Variants in CD44 observed in about 807,000 individuals in gnomAD.
The protein encoded by CD44 is CD44 antigen.
Under a neutral mutation model 88.8 loss-of-function variants are expected in CD44, and 49 were observed. The ratio of observed to expected loss-of-function variants is 0.55; its 90% CI spans 0.44 to 0.70. The LOEUF (loss-of-function observed/expected upper bound fraction) is 0.70. CD44 is among the 30% of genes least tolerant of loss of function. The probability of loss-of-function intolerance (pLI) is 0.00; values close to 1 mark genes in which losing one functional copy is unlikely to be tolerated. For synonymous variants in CD44, 325 were observed against 312.3 expected, an observed-to-expected ratio of 1.04 and a Z score of -0.43; for missense variants, 883 against 913.8, an observed-to-expected ratio of 0.97 and a Z score of 0.43.
intron 1 of CD44, among the ~76,000 whole-genome samples, chr11:35,146,352 T>C (rs988907205): frequency 1.3e-5 from 2 of 152,366 alleles, no homozygotes; most frequent in East Asian, 1.9e-4. Flanking sequence ...CATCTGCTGT[T>C]GTGGCATTGC....
At chr11:35,214,085 G>A (rs916321304) in intron 14 of CD44, 2 of 151,976 alleles carry the variant, frequency 1.3e-5, no homozygotes, top group Non-Finnish European at 2.9e-5. Flanking sequence ...TTGACCTATG[G>A]ATTTAGATTC....
chr11:35,146,781 T>C (rs552396436), intron 1 of CD44, among the ~76,000 whole-genome samples: 23 of 152,350 alleles, frequency 1.5e-4, no homozygotes, highest in Admixed American at 8.5e-4. Flanking sequence ...TCCAGACGAT[T>C]GTACCTGGAA....
intron 1 of CD44, among the ~76,000 whole-genome samples, chr11:35,146,116 T>A (rs17446000): frequency 0.028 from 4,210 of 152,052 alleles, 89 homozygotes; most frequent in Non-Finnish European, 0.042. Flanking sequence ...CGAGTTTGAG[T>A]TGCACTGGCT....
intron 7 of CD44, among the ~76,000 whole-genome samples, chr11:35,200,031 C>G (rs1046786685): frequency 6.8e-6 from 1 of 146,058 alleles, no homozygotes; most frequent in East Asian, 2.0e-4. Flanking sequence ...CTGCTTAGCA[C>G]CTATGGACAT....
At chr11:35,219,799 A>C (rs1014143996) in intron 16 of CD44, among the ~76,000 whole-genome samples, 28 of 152,166 alleles carry the variant, frequency 1.8e-4, no homozygotes, top group Admixed American at 2.0e-4. Flanking sequence ...GATTACAGAC[A>C]GGGAGGAGCT....
intron 15 of CD44, among the ~76,000 whole-genome samples, chr11:35,217,110 T>A (rs549821974): frequency 1.4e-5 from 2 of 147,076 alleles, no homozygotes; most frequent in Admixed American, 1.4e-4. Context: ...ACCTGCTATC[T>A]CACATCCATC....
At chr11:35,143,585 T>G (rs1029009393) in intron 1 of CD44, among the ~76,000 whole-genome samples, 1 of 152,066 alleles carries the variant, frequency 6.6e-6, no homozygotes, top group Admixed American at 6.6e-5. Context: ...CTCCTTCAAT[T>G]CATTACGTGT....
intron 5 of CD44, among the ~76,000 whole-genome samples, chr11:35,194,140 C>T (rs2133944690): frequency 6.6e-6 from 1 of 152,326 alleles, no homozygotes; most frequent in Admixed American, 6.5e-5. Flanking sequence ...CTCTTTCCTT[C>T]ACAGGTTATT....
intron 1 of CD44, among the ~76,000 whole-genome samples, chr11:35,174,168 G>A (rs1944204842): frequency 6.6e-6 from 1 of 152,194 alleles, no homozygotes; most frequent in South Asian, 2.1e-4. Context: ...TCAGAAAGGA[G>A]ACTATAGGCT....
intron 11 of CD44, among the ~76,000 whole-genome samples, chr11:35,207,586 T>G (rs1048568081): frequency 2.6e-5 from 4 of 152,254 alleles, no homozygotes; most frequent in Non-Finnish European, 5.9e-5. Context: ...CTTGCCCCTG[T>G]ATACTTTCTG....
chr11:35,175,896 C>T (rs1390988675), intron 1 of CD44, among the ~76,000 whole-genome samples: 1 of 140,316 alleles, frequency 7.1e-6, no homozygotes, highest in Admixed American at 7.3e-5. Context: ...GATAGAGTCT[C>T]GCTCTGTCAC....
chr11:35,188,294 T>C (rs1199865639), intron 4 of CD44, among the ~76,000 whole-genome samples: 1 of 152,208 alleles, frequency 6.6e-6, no homozygotes, highest in Non-Finnish European at 1.5e-5. Context: ...CTTCACACCA[T>C]GATGGCTACG....
intron 3 of CD44, 94 bp from the exon 4 acceptor site, chr11:35,186,738 A>C: frequency 1.3e-6 from 1 of 754,364 alleles, no homozygotes; most frequent in Non-Finnish European, 2.4e-6. Context: ...GGAATAAGTT[A>C]TAGTAAAACT....
chr11:35,207,169 G>A (rs947384254), intron 11 of CD44, among the ~76,000 whole-genome samples: 6 of 152,160 alleles, frequency 3.9e-5, no homozygotes, highest in African/African-American at 7.2e-5. Flanking sequence ...GGATAACAGG[G>A]TCACCACATT....
At position 35,198,967 on chromosome 11, in the gene CD44, CAAA is replaced by C. The variant is rs11340143; in HGVS notation, c.922+736_922+738del. On this transcript the variant is annotated intron_variant, in intron 7 of 17. Coordinates refer to ENST00000428726, the MANE Select transcript of CD44 (RefSeq NM_000610.4). ...TGGGTGACAGAGCCAGACTCCATCT[CAAA>C]AAAAAAAAAAAAAAGTTGTGGAAGT... Among the ~76,000 whole-genome samples, 773 of 128,006 alleles carry C rather than the reference CAAA, an allele frequency of 6.0e-3. 8 individuals carry two copies. The highest frequency in any genetic ancestry group is 0.022 in the African/African-American group (729 of 32,540). 84.0% of individuals were successfully genotyped at this position (128,006 alleles called of 152,430 possible).
At chr11:35,205,988 A>G in intron 10 of CD44, 124 bp from the exon 11 acceptor site, 2 of 1,376,400 alleles carry the variant, frequency 1.5e-6, no homozygotes, top group South Asian at 1.8e-5. Context: ...CTTGCCCTCT[A>G]TACAAGGAAG....
chr11:35,141,551 C>T (rs1488766815), intron 1 of CD44, among the ~76,000 whole-genome samples: 2 of 152,148 alleles, frequency 1.3e-5, no homozygotes, highest in Admixed American at 6.5e-5. Context: ...TCTGCTTTGT[C>T]TTTGGGCATT....
intron 1 of CD44, among the ~76,000 whole-genome samples, chr11:35,149,846 G>A (rs1170524148): frequency 2.0e-5 from 3 of 152,192 alleles, no homozygotes; most frequent in African/African-American, 4.8e-5. Flanking sequence ...ATAAACATAT[G>A]GACCCAATTA....
At chr11:35,171,488 G>A (rs1943879641) in intron 1 of CD44, among the ~76,000 whole-genome samples, 1 of 152,164 alleles carries the variant, frequency 6.6e-6, no homozygotes, top group African/African-American at 2.4e-5. Flanking sequence ...ACCTGCTTAA[G>A]CCTTCACATC....
Sources: allele counts gnomAD v4.1 joint callset (sites outside exome capture counted in the v4.1 genomes callset), GRCh38; gene constraint gnomAD v4.1.1; transcripts MANE v1.5; gene names NCBI Gene and HGNC (gene_info 2026-07-23, HGNC 2026-07-21).